The following RBM20 variants were observed in gnomAD, a reference collection of about 807,000 sequenced individuals.
RBM20 encodes RNA-binding protein 20.
RBM20 carries 51 observed loss-of-function variants against 110.1 expected under a neutral mutation model. The ratio of observed to expected loss-of-function variants is 0.46; its 90% CI spans 0.37 to 0.59. The LOEUF (loss-of-function observed/expected upper bound fraction) is 0.59. Ranked by LOEUF, RBM20 falls within the 20% of genes least tolerant of loss-of-function variation. The pLI, the probability that RBM20 is intolerant of heterozygous loss-of-function variation, is 0.00. For missense variants in RBM20, 1,512 were observed against 1,574.9 expected (o/e 0.96, Z 0.68); for synonymous variants, 589 against 618.2 (o/e 0.95, Z 0.70).
chr10:110,831,666 T>TAAA (rs869203382), intron 13 of RBM20, among the ~76,000 whole-genome samples: 1,371 of 58,258 alleles, frequency 0.024, 24 homozygotes, highest in South Asian at 0.043. Context: ...CTTGCTAGAA[T>TAAA]AAAAAAAAAA....
intron 9 of RBM20, among the ~76,000 whole-genome samples, chr10:110,816,658 A>T (rs2135113114): frequency 6.6e-6 from 1 of 152,152 alleles, no homozygotes; most frequent in South Asian, 2.1e-4. Context: ...TGTAAACTTC[A>T]CAAGGCAGGA....
intron 5 of RBM20, among the ~76,000 whole-genome samples, chr10:110,795,277 A>AGGGTTCAGTCCTCACTAGCC (rs1844534917): frequency 6.6e-6 from 1 of 152,212 alleles, no homozygotes; most frequent in Non-Finnish European, 1.5e-5. Context: ...TTTCTGCAGA[A>AGGGTTCAGTCCTCACTAGCC]GGGTTCAGTC....
rs1797362664 is a variant in RBM20, at chr10:110,797,665, T to C, written c.1668+17T>C. 1.3e-6 allele frequency: 2 copies of C among 1,551,210 alleles called. No individual in the cohort carries two copies. The highest frequency in any genetic ancestry group is 2.7e-5 in the African/African-American group (2 of 73,150). On this transcript the variant is annotated intron_variant, in intron 6 of 13. Transcript: ENST00000369519. ...ACTAATCAGGTAGGTCTGGGTACTT[T>C]CACTCCAGTGTATATGCCACAGACC...
intron 11 of RBM20, among the ~76,000 whole-genome samples, chr10:110,822,173 G>A (rs993867832): frequency 6.6e-6 from 1 of 152,206 alleles, no homozygotes; most frequent in Non-Finnish European, 1.5e-5. Context: ...TTTCTGAGAA[G>A]CAAACTCAGG....
intron 8 of RBM20, among the ~76,000 whole-genome samples, chr10:110,811,357 C>A: frequency 6.6e-6 from 1 of 152,190 alleles, no homozygotes; most frequent in Non-Finnish European, 1.5e-5. Flanking sequence ...CTCAGTTGAC[C>A]TGCTTAATAA....
At chr10:110,740,219 G>A (rs1221645038) in intron 1 of RBM20, among the ~76,000 whole-genome samples, 1 of 152,248 alleles carries the variant, frequency 6.6e-6, no homozygotes, top group Non-Finnish European at 1.5e-5. Flanking sequence ...TTTGATGGCT[G>A]TGGCTGTGGG....
intron 1 of RBM20, among the ~76,000 whole-genome samples, chr10:110,660,466 G>A (rs1209189730): frequency 6.6e-6 from 1 of 152,160 alleles, no homozygotes; most frequent in East Asian, 1.9e-4. Flanking sequence ...TAGGAACGAG[G>A]CCACACAGCA....
intron 9 of RBM20, among the ~76,000 whole-genome samples, chr10:110,813,835 C>A (rs1844806158): frequency 2.4e-5 from 3 of 125,074 alleles, no homozygotes; most frequent in African/African-American, 9.2e-5. Context: ...AACTCTATTT[C>A]AAAAAAAAAA....
intron 1 of RBM20, among the ~76,000 whole-genome samples, chr10:110,706,687 CA>C (rs1862844050): frequency 6.6e-6 from 1 of 152,172 alleles, no homozygotes; most frequent in South Asian, 2.1e-4. Context: ...GGGTGAACCT[CA>C]AAACCAATGG....
chr10:110,824,448 G>GT (rs1844957666), intron 12 of RBM20, among the ~76,000 whole-genome samples: 1 of 152,140 alleles, frequency 6.6e-6, no homozygotes, highest in South Asian at 2.1e-4. Context: ...TATTGAACAG[G>GT]GAGACCTGGG....
intron 2 of RBM20, among the ~76,000 whole-genome samples, chr10:110,782,220 C>T (rs1026550735): frequency 3.9e-5 from 6 of 152,168 alleles, no homozygotes; most frequent in Admixed American, 2.0e-4. Context: ...GCTTCTCCCC[C>T]GTAGTATGCC....
rs1166690779 is a variant in RBM20, at chr10:110,752,952, T to A, written c.192-27849T>A. Among the ~76,000 whole-genome samples, 155 of 140,978 alleles carry A rather than the reference T, an allele frequency of 1.1e-3. 1 individual carries two copies. Among genetic ancestry groups the A allele is most frequent in the African/African-American group, 3.2e-3 (123 of 38,526 alleles). The allele number at this position is 140,978 out of a possible 152,430, so 92.5% of individuals were successfully genotyped here. A position where few individuals can be genotyped will look rare whatever the true frequency, so the allele number is the denominator to read the frequency against. Reference sequence around the variant, plus strand: ...ATATATATATATATATATATTTTTTTTTTTTTTATGAAGTCTCCCTCTGTT... The same window carrying A: ...ATATATATATATATATATATTTTTTATTTTTTTATGAAGTCTCCCTCTGTT... On this transcript the variant is annotated intron_variant, in intron 1 of 13. Coordinates refer to ENST00000369519, the MANE Select transcript of RBM20 (RefSeq NM_001134363.3).
At chr10:110,725,541 G>T (rs1057316857) in intron 1 of RBM20, among the ~76,000 whole-genome samples, 8 of 152,168 alleles carry the variant, frequency 5.3e-5, no homozygotes, top group African/African-American at 1.9e-4. Flanking sequence ...TTAGATTGAT[G>T]AACTTTAAGG....
intron 6 of RBM20, 55 bp from the exon 7 acceptor site, chr10:110,799,732 C>A (rs559309808): frequency 1.7e-5 from 25 of 1,507,898 alleles, no homozygotes; most frequent in Non-Finnish European, 1.1e-5. Flanking sequence ...TGTGCTGAAT[C>A]TTGTTTAAGA....
At chr10:110,790,933 C>T (rs1844476072) in intron 5 of RBM20, among the ~76,000 whole-genome samples, 1 of 152,134 alleles carries the variant, frequency 6.6e-6, no homozygotes, top group Admixed American at 6.5e-5. Context: ...GATGACCTCC[C>T]AATTTTAACG....
At chr10:110,787,912 TA>T (rs1294725067) in intron 5 of RBM20, among the ~76,000 whole-genome samples, 13 of 152,174 alleles carry the variant, frequency 8.5e-5, no homozygotes, top group Non-Finnish European at 1.5e-5. Context: ...AGCCAACATT[TA>T]TATAGTACTC....
intron 1 of RBM20, among the ~76,000 whole-genome samples, chr10:110,708,075 A>G (rs1324869640): frequency 6.6e-6 from 1 of 152,242 alleles, no homozygotes; most frequent in Non-Finnish European, 1.5e-5. Context: ...TCGGTTATAA[A>G]AAGGTTGGAT....
At position 110,718,608 on chromosome 10, in the gene RBM20, C is replaced by CTTTTTTTTTTTTTTTTTTTTTTT. The variant is rs61629487; in HGVS notation, c.192-62180_192-62179insTTTTTTTTTTTTTTTTTTTTTTT. Among the ~76,000 whole-genome samples, 67 of 101,542 alleles carry CTTTTTTTTTTTTTTTTTTTTTTT rather than the reference C, an allele frequency of 6.6e-4. 2 individuals carry two copies. Among genetic ancestry groups the CTTTTTTTTTTTTTTTTTTTTTTT allele is most frequent in the Non-Finnish European group, 7.8e-4 (41 of 52,592 alleles). 66.6% of individuals were successfully genotyped at this position (101,542 alleles called of 152,430 possible). On this transcript the variant is annotated intron_variant, in intron 1 of 13. Transcript: ENST00000369519. ...TTAATACATATAATTCTACTCCATT[C>CTTTTTTTTTTTTTTTTTTTTTTT]TTTTTTTTTTTTTCTTTTTTTTTTT...
chr10:110,805,800 A>C (rs560461800), intron 7 of RBM20, among the ~76,000 whole-genome samples: 140 of 152,316 alleles, frequency 9.2e-4, no homozygotes, highest in Admixed American at 1.9e-3. Context: ...AAGCAGCAAG[A>C]TGTGTTAACT....
Sources: gnomAD v4.1 joint callset for allele counts (sites outside exome capture counted in the v4.1 genomes callset) on GRCh38, gnomAD v4.1.1 for gene constraint, MANE v1.5 for transcripts, NCBI Gene and HGNC (gene_info 2026-07-23, HGNC 2026-07-21) for gene names.